The following CTNND2 variants were observed in gnomAD, a reference collection of about 807,000 sequenced individuals.
CTNND2 encodes catenin delta 2, also known as catenin delta-2.
A neutral mutation model predicts 144.4 loss-of-function variants in CTNND2; 22 were observed. The ratio of observed to expected loss-of-function variants is 0.15; its 90% CI spans 0.11 to 0.22. The LOEUF (loss-of-function observed/expected upper bound fraction) is 0.22. CTNND2 is among the 10% of genes least tolerant of loss of function. The pLI is 1.00. For missense variants in CTNND2, 1,353 were observed against 1,618.8 expected (o/e 0.84, Z 2.82); for synonymous variants, 751 against 695.6 (o/e 1.08, Z -1.25).
intron 2 of CTNND2, among the ~76,000 whole-genome samples, chr5:11,568,498 T>C (rs1231170096): frequency 6.6e-6 from 1 of 152,212 alleles, no homozygotes; most frequent in Non-Finnish European, 1.5e-5. Context: ...AATGGTATTC[T>C]CTTTGGAGTT....
chr5:11,261,276 A>T (rs1347826816), intron 9 of CTNND2, among the ~76,000 whole-genome samples: 2 of 152,166 alleles, frequency 1.3e-5, no homozygotes, highest in East Asian at 1.9e-4. Flanking sequence ...TCTAGGCCAG[A>T]TCTCTTGGTC....
rs191877964 is a variant in CTNND2 at position 11,518,908 on chromosome 5, A to G, written c.287+46036T>C. Among the ~76,000 whole-genome samples the G allele has an allele frequency of 2.3e-3, 344 of 152,310 alleles. 2 individuals carry two copies. The highest frequency in any genetic ancestry group is 7.9e-3 in the African/African-American group (327 of 41,576). On this transcript the variant is annotated intron_variant, in intron 3 of 21. Coordinates refer to ENST00000304623, the MANE Select transcript of CTNND2 (RefSeq NM_001332.4). ...ACTCAGGACTTATCTCTGTCATTGA[A>G]TGACACATGACTGTACTTAAGTAAT...
At chr5:11,450,633 C>T (rs1765220745) in intron 3 of CTNND2, among the ~76,000 whole-genome samples, 1 of 152,124 alleles carries the variant, frequency 6.6e-6, no homozygotes, top group African/African-American at 2.4e-5. Context: ...GGCGTGGTGG[C>T]TCATGCCTGT....
At chr5:11,046,057 C>T (rs1393134) in intron 16 of CTNND2, among the ~76,000 whole-genome samples, 31,409 of 151,870 alleles carry the variant, frequency 0.21, 3,523 homozygotes, top group Non-Finnish European at 0.26. Flanking sequence ...GGGGTGGAAA[C>T]GGGTATGCTG....
At chr5:11,555,832 G>T (rs1776189094) in intron 3 of CTNND2, among the ~76,000 whole-genome samples, 2 of 152,102 alleles carry the variant, frequency 1.3e-5, no homozygotes, top group African/African-American at 4.8e-5. Context: ...ATTTAAATTG[G>T]AAGAAAACAA....
chr5:11,547,885 T>C (rs1236696236), intron 3 of CTNND2, among the ~76,000 whole-genome samples: 2 of 152,216 alleles, frequency 1.3e-5, no homozygotes, highest in African/African-American at 4.8e-5. Context: ...TCATTTCTCT[T>C]CTGTGCCCGC....
intron 15 of CTNND2, among the ~76,000 whole-genome samples, chr5:11,092,850 C>A (rs1209397506): frequency 2.0e-5 from 3 of 152,172 alleles, no homozygotes; most frequent in African/African-American, 7.2e-5. Context: ...TCTTAACTTG[C>A]GTTTGATAGA....
At chr5:11,832,336 T>C (rs1386924122) in intron 1 of CTNND2, among the ~76,000 whole-genome samples, 2 of 151,408 alleles carry the variant, frequency 1.3e-5, no homozygotes, top group African/African-American at 2.4e-5. Context: ...ACATATATTG[T>C]CAAGAAAATG....
At chr5:11,089,502 C>T (rs1750541955) in intron 15 of CTNND2, among the ~76,000 whole-genome samples, 1 of 152,192 alleles carries the variant, frequency 6.6e-6, no homozygotes, top group Non-Finnish European at 1.5e-5. Flanking sequence ...ATCTATTTAT[C>T]TCAATTGTCT....
chr5:11,746,616 A>G (rs1316661354), intron 1 of CTNND2, among the ~76,000 whole-genome samples: 1 of 152,178 alleles, frequency 6.6e-6, no homozygotes, highest in African/African-American at 2.4e-5. Flanking sequence ...GATATACTCA[A>G]TATCTTAGAT....
At chr5:11,561,829 G>C (rs1206101710) in intron 3 of CTNND2, among the ~76,000 whole-genome samples, 2 of 152,136 alleles carry the variant, frequency 1.3e-5, no homozygotes, top group Admixed American at 6.5e-5. Context: ...ATCACTTGAG[G>C]TCAGGAGTTC....
chr5:11,354,372 G>C (rs893747400), intron 8 of CTNND2, among the ~76,000 whole-genome samples: 1 of 152,144 alleles, frequency 6.6e-6, no homozygotes, highest in African/African-American at 2.4e-5. Flanking sequence ...GAAACTCCAA[G>C]GAAGCTTAAG....
At chr5:11,789,700 C>T (rs1464570939) in intron 1 of CTNND2, among the ~76,000 whole-genome samples, 1 of 151,974 alleles carries the variant, frequency 6.6e-6, no homozygotes, top group African/African-American at 2.4e-5. Context: ...TTCTTGCTTC[C>T]AAATCTTTTT....
intron 12 of CTNND2, 94 bp downstream of exon 12, chr5:11,159,482 G>C: frequency 9.6e-7 from 1 of 1,038,212 alleles, no homozygotes; most frequent in Non-Finnish European, 1.4e-6. Context: ...AGAATGGTCT[G>C]ATCCTCAGTA....
At chr5:11,332,953 G>A (rs940106647) in intron 9 of CTNND2, among the ~76,000 whole-genome samples, 4 of 152,202 alleles carry the variant, frequency 2.6e-5, no homozygotes, top group African/African-American at 9.7e-5. Context: ...TTCACGTTCT[G>A]TCACGATTGT....
At chr5:11,624,544 C>G (rs1354340601) in intron 2 of CTNND2, among the ~76,000 whole-genome samples, 1 of 152,130 alleles carries the variant, frequency 6.6e-6, no homozygotes, top group East Asian at 1.9e-4. Context: ...TTTTATTAAA[C>G]AGTTTTAATT....
chr5:11,036,387 C>G (rs867449770), intron 16 of CTNND2, among the ~76,000 whole-genome samples: 13 of 152,230 alleles, frequency 8.5e-5, no homozygotes, highest in Admixed American at 3.3e-4. Context: ...TTTGAAATTG[C>G]CTTCCACAAA....
At chr5:11,256,934 T>C (rs1470994477) in intron 9 of CTNND2, among the ~76,000 whole-genome samples, 1 of 152,126 alleles carries the variant, frequency 6.6e-6, no homozygotes, top group Non-Finnish European at 1.5e-5. Flanking sequence ...TAAATGCTAA[T>C]AGCACCCTTT....
Position 11,159,480 on chromosome 5 carries a change from C to T in CTNND2, c.2159+96G>A, listed in dbSNP as rs1758548485. ...TCAACATTCATGTTTTCAGAATGGT[C>T]TGATCCTCAGTAAAAGAGCCACTAA... On this transcript the variant is annotated intron_variant, in intron 12 of 21. Transcript: ENST00000304623. The T allele has an allele frequency of 6.8e-6, 7 of 1,028,338 alleles. No homozygotes were observed. The South Asian group carries it at 1.3e-4, about 19-fold the overall frequency. The allele number at this position is 1,028,338 out of a possible 1,614,324, so 63.7% of individuals were successfully genotyped here. A position where few individuals can be genotyped will look rare whatever the true frequency, so the allele number is the denominator to read the frequency against.
Sources: gnomAD v4.1 joint callset for allele counts (sites outside exome capture counted in the v4.1 genomes callset) on GRCh38, gnomAD v4.1.1 for gene constraint, MANE v1.5 for transcripts, NCBI Gene and HGNC (gene_info 2026-07-23, HGNC 2026-07-21) for gene names.